SRI: variants seen among roughly 807,000 people sequenced by gnomAD.
SRI encodes sorcin, also known as 22 kDa protein.
Under a neutral mutation model 33.3 loss-of-function variants are expected in SRI, and 30 were observed. The observed-to-expected ratio is 0.90, with a 90% CI of 0.67 to 1.22. The LOEUF is 1.22. Among genes scored for constraint, SRI ranks in the 50% most tolerant of loss-of-function variants. The pLI is 0.00. For synonymous variants in SRI, 75 were observed against 89.9 expected (o/e 0.83, Z 0.94); for missense variants, 243 against 250.8 (o/e 0.97, Z 0.21).
intron 1 of SRI, chr7:88,226,878 G>A (rs754145837): frequency 6.2e-7 from 1 of 1,608,156 alleles, no homozygotes; most frequent in East Asian, 2.2e-5. Context: ...GCATGGAATA[G>A]TCTAATATTA....
chr7:88,226,306 G>A (rs1333087003), intron 1 of SRI, among the ~76,000 whole-genome samples: 1 of 152,178 alleles, frequency 6.6e-6, no homozygotes, highest in Non-Finnish European at 1.5e-5. Context: ...TGGAGCCGGG[G>A]TAGAGCAGGG....
At chr7:88,225,176 T>G (rs1851969111) in intron 1 of SRI, among the ~76,000 whole-genome samples, 2 of 152,226 alleles carry the variant, frequency 1.3e-5, no homozygotes, top group Non-Finnish European at 2.9e-5. Flanking sequence ...ACTGACCTGT[T>G]CCTTCCCTTA....
At chr7:88,226,235 C>T (rs1028688738) in intron 1 of SRI, among the ~76,000 whole-genome samples, 1 of 152,152 alleles carries the variant, frequency 6.6e-6, no homozygotes, top group African/African-American at 2.4e-5. Context: ...ATGACTGGTT[C>T]TCAGGCAAGC....
intron 1 of SRI, 193 bp from the exon 2 acceptor site, chr7:88,219,135 G>A: frequency 1.6e-6 from 1 of 618,308 alleles, no homozygotes; most frequent in Middle Eastern, 4.2e-4. Flanking sequence ...TTAAAAACTG[G>A]CGACTTAGAC....
Position 88,209,371 on chromosome 7 carries a change from ATGT to A in SRI, c.476_478del (p.Tyr159_Ile160delinsPhe). Reference sequence around the variant, plus strand: ...AGCCCTCAGTTTGACGCAGCAGGCGATGTAGTCGTCGAAGGTGATCTTTCCATT... The same window carrying A: ...AGCCCTCAGTTTGACGCAGCAGGCGAAGTCGTCGAAGGTGATCTTTCCATT... On this transcript the variant is annotated inframe_deletion, in exon 6 of 8. Transcript: ENST00000265729. The A allele has an allele frequency of 4.3e-6, 7 of 1,614,066 alleles. No homozygotes were observed. Among genetic ancestry groups the A allele is most frequent in the Non-Finnish European group, 5.9e-6 (7 of 1,179,944 alleles).
upstream of SRI, chr7:88,220,068 G>A: frequency 1.3e-6 from 2 of 1,498,574 alleles, no homozygotes; most frequent in South Asian, 1.2e-5. Context: ...TGTGCGCCAG[G>A]CCTCTCCGCC....
At chr7:88,219,903 C>T in intron 1 of SRI, 73 bp downstream of exon 1, 1 of 1,506,620 alleles carries the variant, frequency 6.6e-7, no homozygotes, top group Non-Finnish European at 8.9e-7. Flanking sequence ...CCCCGCTGGC[C>T]GCAGCATCTC....
intron 2 of SRI, among the ~76,000 whole-genome samples, chr7:88,218,421 A>G (rs925098245): frequency 3.3e-5 from 5 of 152,264 alleles, no homozygotes; most frequent in Non-Finnish European, 7.3e-5. Flanking sequence ...AGAAGGGAAC[A>G]GTAACTTCCT....
intron 1 of SRI, chr7:88,219,266 A>T: frequency 2.8e-6 from 1 of 360,148 alleles, no homozygotes; most frequent in Non-Finnish European, 5.3e-6. Context: ...CAGGGCTTCA[A>T]ATTCTCCTTT....
In SRI at chr7:88,217,029, A is replaced by ACTTT. The variant is rs1219501492; in HGVS notation, c.205+92_205+93insAAAG. ...ATTCTAAACTTTGCTAGATCCGACA[A>ACTTT]GCTCAGTTTTCTTGAAGGCTGTAAT... On this transcript the variant is annotated intron_variant, in intron 3 of 7. Coordinates refer to ENST00000265729, the MANE Select transcript of SRI (RefSeq NM_003130.4). 80 of 1,146,090 alleles carry ACTTT rather than the reference A, an allele frequency of 7.0e-5. No homozygotes were observed. In the African/African-American group the frequency reaches 1.0e-3, roughly 14 times the overall value. 71.0% of individuals were successfully genotyped at this position (1,146,090 alleles called of 1,614,324 possible).
intron 3 of SRI, chr7:88,214,686 AATT>A (rs1229466717): frequency 8.1e-6 from 2 of 247,476 alleles, no homozygotes; most frequent in Non-Finnish European, 1.3e-5. Context: ...AACTACATAT[AATT>A]ATAACTATAA....
chr7:88,211,531 A>G (rs73397629), intron 3 of SRI, among the ~76,000 whole-genome samples: 6,584 of 152,238 alleles, frequency 0.043, 497 homozygotes, highest in African/African-American at 0.15. Context: ...TCAAGTCACC[A>G]TAACGAACCA....
chr7:88,207,104 T>C (rs1445156541), intron 7 of SRI, among the ~76,000 whole-genome samples: 2 of 152,232 alleles, frequency 1.3e-5, no homozygotes, highest in African/African-American at 4.8e-5. Context: ...CTATCAGTGT[T>C]CCCTACACTA....
chr7:88,215,449 A>G (rs1586717567), intron 3 of SRI, among the ~76,000 whole-genome samples: 1 of 152,236 alleles, frequency 6.6e-6, no homozygotes, highest in East Asian at 1.9e-4. Context: ...GCACTTTGAT[A>G]AACCCTGCTA....
chr7:88,206,383 G>C lies in SRI; in HGVS notation c.*95C>G. Reference sequence around the variant, plus strand: ...ACAACAGCTGTTAAGAGAAAGTCGTGATGTAAGTTTATACATATTACCGAA... The same window carrying C: ...ACAACAGCTGTTAAGAGAAAGTCGTCATGTAAGTTTATACATATTACCGAA... On this transcript the variant is annotated 3_prime_UTR_variant, in exon 8 of 8. Coordinates refer to ENST00000265729, the MANE Select transcript of SRI (RefSeq NM_003130.4). The C allele has an allele frequency of 2.9e-6, 4 of 1,382,890 alleles. No homozygotes were observed. The highest frequency in any genetic ancestry group is 3.1e-6 in the Non-Finnish European group (3 of 969,624). 85.7% of individuals were successfully genotyped at this position (1,382,890 alleles called of 1,614,324 possible).
rs869312940 is a variant in SRI, at chr7:88,210,926, C to T, written c.206-1G>A. On this transcript the variant is annotated splice_acceptor_variant, in intron 3 of 7. Transcript: ENST00000265729. LOFTEE classifies it high-confidence loss of function. ...AGCCGGCAAGTCTCCAGGTTAAAAG[C>T]TGTTAAATCAAGAAAAGTACATACA... The T allele has an allele frequency of 6.2e-7, 1 of 1,613,284 alleles. No individual in the cohort carries two copies. Among genetic ancestry groups the T allele is most frequent in the Non-Finnish European group, 8.5e-7 (1 of 1,179,520 alleles).
chr7:88,223,505 G>A (rs903218456), upstream of SRI, among the ~76,000 whole-genome samples: 5 of 152,142 alleles, frequency 3.3e-5, no homozygotes, highest in African/African-American at 1.2e-4. Flanking sequence ...ATAGTGGTAT[G>A]TAGACTATGT....
chr7:88,218,375 A>AACT (rs1400389957), intron 2 of SRI, among the ~76,000 whole-genome samples: 1 of 152,204 alleles, frequency 6.6e-6, no homozygotes, highest in Non-Finnish European at 1.5e-5. Context: ...ATCAAAGAGA[A>AACT]ACTACACTGT....
At chr7:88,225,581 G>C (rs562422072) in intron 1 of SRI, among the ~76,000 whole-genome samples, 1 of 152,326 alleles carries the variant, frequency 6.6e-6, no homozygotes, top group Admixed American at 6.5e-5. Flanking sequence ...TTTACAAGAT[G>C]AGGAAACTGA....
Sources: gnomAD v4.1 joint callset for allele counts (sites outside exome capture counted in the v4.1 genomes callset) on GRCh38, gnomAD v4.1.1 for gene constraint, MANE v1.5 for transcripts, NCBI Gene and HGNC (gene_info 2026-07-23, HGNC 2026-07-21) for gene names.